Variants in WWTR1 observed in about 807,000 individuals in gnomAD.
WWTR1 encodes the protein WW domain-containing transcription regulator protein 1.
In WWTR1, 13 loss-of-function variants were observed where a neutral mutation model predicts 40.1. The ratio of observed to expected loss-of-function variants is 0.32; its 90% CI spans 0.21 to 0.52. WWTR1 has a LOEUF of 0.52. WWTR1 is among the 20% of genes least tolerant of loss of function. WWTR1 has a pLI of 0.97. For missense variants in WWTR1, 436 were observed against 523.1 expected, an observed-to-expected ratio of 0.83 and a Z score of 1.63; for synonymous variants, 230 against 210.1, an observed-to-expected ratio of 1.09 and a Z score of -0.82.
At chr3:149,673,445 A>G (rs1281491832) in intron 1 of WWTR1, among the ~76,000 whole-genome samples, 2 of 152,164 alleles carry the variant, frequency 1.3e-5, no homozygotes, top group Non-Finnish European at 2.9e-5. Flanking sequence ...ATTTAAAACT[A>G]TTTTTATGTT....
chr3:149,617,022 G>C (rs1472826468), intron 2 of WWTR1, among the ~76,000 whole-genome samples: 1 of 151,910 alleles, frequency 6.6e-6, no homozygotes, highest in Non-Finnish European at 1.5e-5. Flanking sequence ...AACTAATGTA[G>C]AAAAAAAATG....
At chr3:149,648,160 T>C (rs1331292838) in intron 2 of WWTR1, among the ~76,000 whole-genome samples, 1 of 152,084 alleles carries the variant, frequency 6.6e-6, no homozygotes, top group Admixed American at 6.6e-5. Context: ...TTCATCTCCC[T>C]CTCCACTGCA....
At chr3:149,672,674 T>TA (rs1264003319) in intron 1 of WWTR1, among the ~76,000 whole-genome samples, 5 of 152,096 alleles carry the variant, frequency 3.3e-5, no homozygotes, top group African/African-American at 1.2e-4. Flanking sequence ...TATCTCAACT[T>TA]AGAGTACTAA....
At chr3:149,538,706 G>A (rs745442084) in intron 4 of WWTR1, among the ~76,000 whole-genome samples, 1 of 152,190 alleles carries the variant, frequency 6.6e-6, no homozygotes, top group Non-Finnish European at 1.5e-5. Flanking sequence ...AGGAGTATCT[G>A]ATGCTCACTT....
In WWTR1 at chr3:149,657,311, T is replaced by C. The variant is rs1199350091; in HGVS notation, c.-3-2A>G. The C allele has an allele frequency of 1.2e-6, 2 of 1,606,850 alleles. No homozygotes were observed. Among genetic ancestry groups the C allele is most frequent in the African/African-American group, 2.7e-5 (2 of 74,758 alleles). On this transcript the variant is annotated splice_acceptor_variant, in intron 1 of 6. Coordinates refer to ENST00000360632, the MANE Select transcript of WWTR1 (RefSeq NM_015472.6). LOFTEE classifies it low-confidence loss of function (5UTR_SPLICE). ...GGGCGCCGAGGCCGGATTCATCTTC[T>C]GCAAAAAGAAGGTCAGATCAGCCTT...
At position 149,657,059 on chromosome 3, in the gene WWTR1, T is replaced by C; in HGVS notation, c.248A>G (p.Gln83Arg). Residue 83 changes from glutamine to arginine, a missense_variant, in exon 2 of 7, where the codon CAG (glutamine) becomes CGG (arginine). Physicochemically the swap from Gln to Arg is conservative, Grantham distance 43. Coordinates refer to ENST00000360632, the MANE Select transcript of WWTR1 (RefSeq NM_015472.6). ...HPGPRLAGGA[Q>R]HVRSHSSPAS... ...GGGCGACGAGTGCGAGCGGACATGC[T>C]GGGCACCCCCAGCCAGTCGAGGCCC... 5 of 1,573,706 alleles carry C rather than the reference T, an allele frequency of 3.2e-6. No individual in the cohort carries two copies. The highest frequency in any genetic ancestry group is 4.3e-6 in the Non-Finnish European group (5 of 1,164,184).
At chr3:149,607,191 T>C (rs775657185) in intron 2 of WWTR1, among the ~76,000 whole-genome samples, 3 of 152,224 alleles carry the variant, frequency 2.0e-5, no homozygotes, top group Non-Finnish European at 2.9e-5. Context: ...TTAGTATTCA[T>C]TGAATAAATG....
intron 2 of WWTR1, among the ~76,000 whole-genome samples, chr3:149,600,320 T>C (rs896009447): frequency 6.6e-6 from 1 of 152,184 alleles, no homozygotes; most frequent in Non-Finnish European, 1.5e-5. Context: ...TGTAACACAG[T>C]CCCCGATGGG....
chr3:149,572,788 C>G, intron 3 of WWTR1, 76 bp downstream of exon 3: 1 of 1,540,284 alleles, frequency 6.5e-7, no homozygotes, highest in South Asian at 1.2e-5. Flanking sequence ...TCAACACCAG[C>G]CTGGGCAACA....
In WWTR1 at chr3:149,520,682, G is replaced by T; in HGVS notation, c.*123C>A. ...ATGATTAAACTGGCAACATAAAAAG[G>T]AGGGAGCACGAGTCATGGAGGCGGG... On this transcript the variant is annotated 3_prime_UTR_variant, in exon 7 of 7. Coordinates refer to ENST00000360632, the MANE Select transcript of WWTR1 (RefSeq NM_015472.6). The T allele has an allele frequency of 1.2e-6, 1 of 846,244 alleles. No homozygotes were observed. 52.4% of individuals were successfully genotyped at this position (846,244 alleles called of 1,614,324 possible).
At chr3:149,585,525 G>A (rs1738379918) in intron 2 of WWTR1, among the ~76,000 whole-genome samples, 2 of 151,374 alleles carry the variant, frequency 1.3e-5, no homozygotes, top group Non-Finnish European at 2.9e-5. Context: ...CTAACCACAA[G>A]TCTCACATAG....
intron 2 of WWTR1, among the ~76,000 whole-genome samples, chr3:149,574,260 G>A (rs546345895): frequency 5.3e-5 from 8 of 151,998 alleles, no homozygotes; most frequent in Non-Finnish European, 5.9e-5. Flanking sequence ...GGCTGGTCTC[G>A]AACTCCTGAG....
At chr3:149,698,946 G>C (rs1401798743) in intron 1 of WWTR1, among the ~76,000 whole-genome samples, 1 of 152,182 alleles carries the variant, frequency 6.6e-6, no homozygotes, top group South Asian at 2.1e-4. Flanking sequence ...AGCCTGTGAT[G>C]GGAGGGACTT....
intron 2 of WWTR1, among the ~76,000 whole-genome samples, chr3:149,613,993 T>C (rs2108072697): frequency 6.6e-6 from 1 of 152,038 alleles, no homozygotes; most frequent in Admixed American, 6.5e-5. Context: ...GAAGAGAAAA[T>C]ACATAACTTC....
Position 149,551,220 on chromosome 3 carries a change from C to T in WWTR1, c.569-8683G>A, listed in dbSNP as rs1261566438. 7.6e-5 allele frequency among the ~76,000 whole-genome samples: 11 copies of T among 144,328 alleles called. 1 individual carries two copies. Among genetic ancestry groups the T allele is most frequent in the Non-Finnish European group, 1.7e-4 (11 of 66,064 alleles). 94.7% of individuals were successfully genotyped at this position (144,328 alleles called of 152,430 possible). A position where few individuals can be genotyped will look rare whatever the true frequency, so the allele number is the denominator to read the frequency against. On this transcript the variant is annotated intron_variant, in intron 3 of 6. Coordinates refer to ENST00000360632, the MANE Select transcript of WWTR1 (RefSeq NM_015472.6). Reference sequence around the variant, plus strand: ...TCTGCGGCAGGAGAATCGTTTGAACCCAGGAGGCAGGAGGTTGCGGTGAGC... The same window carrying T: ...TCTGCGGCAGGAGAATCGTTTGAACTCAGGAGGCAGGAGGTTGCGGTGAGC...
chr3:149,656,791 TCA>T (rs558663867), intron 2 of WWTR1, 83 bp downstream of exon 2: 48,364 of 629,042 alleles, frequency 0.077, 614 homozygotes, highest in Non-Finnish European at 0.092. Flanking sequence ...TCTCTCTCTC[TCA>T]CACACACACA....
At chr3:149,700,792 G>A (rs367607435) in intron 1 of WWTR1, among the ~76,000 whole-genome samples, 6 of 152,248 alleles carry the variant, frequency 3.9e-5, no homozygotes, top group East Asian at 3.9e-4. Flanking sequence ...CCTTGGACAC[G>A]TATGGGCTTC....
At position 149,656,785 on chromosome 3, in the gene WWTR1, TCTCTCTCACACA is replaced by T. The variant is rs1364226961; in HGVS notation, c.431+79_431+90del. ...CTCTTTCTCTCTCTCTCTCTCTCTC[TCTCTCTCACACA>T]CACACACACACACACACGAACACAC... On this transcript the variant is annotated intron_variant, in intron 2 of 6. Coordinates refer to ENST00000360632, the MANE Select transcript of WWTR1 (RefSeq NM_015472.6). 15 of 876,554 alleles carry T rather than the reference TCTCTCTCACACA, an allele frequency of 1.7e-5. No homozygotes were observed. The African/African-American group carries it at 2.7e-4, about 16-fold the overall frequency. The allele number at this position is 876,554 out of a possible 1,614,324, so 54.3% of individuals were successfully genotyped here. A position where few individuals can be genotyped will look rare whatever the true frequency, so the allele number is the denominator to read the frequency against.
intron 5 of WWTR1, among the ~76,000 whole-genome samples, chr3:149,717,116 G>A (rs1715621790): frequency 6.6e-6 from 1 of 152,178 alleles, no homozygotes. Flanking sequence ...GCAGCGAGCT[G>A]AGATTGTGCG....
Sources: allele counts gnomAD v4.1 joint callset (sites outside exome capture counted in the v4.1 genomes callset), GRCh38; gene constraint gnomAD v4.1.1; transcripts MANE v1.5; gene names NCBI Gene and HGNC (gene_info 2026-07-23, HGNC 2026-07-21).